The following RRM2 variants were observed in gnomAD, a reference collection of about 807,000 sequenced individuals.
RRM2 encodes ribonucleoside-diphosphate reductase subunit M2.
In RRM2, 6 loss-of-function variants were observed where a neutral mutation model predicts 45.9. The observed-to-expected ratio is 0.13, with a 90% CI of 0.07 to 0.26. The LOEUF (loss-of-function observed/expected upper bound fraction) is 0.26. RRM2 is among the 10% of genes least tolerant of loss of function. The probability of loss-of-function intolerance (pLI) is 1.00; values close to 1 mark genes in which losing one functional copy is unlikely to be tolerated. For synonymous variants in RRM2, 177 were observed against 173.0 expected, an observed-to-expected ratio of 1.02 and a Z score of -0.18; for missense variants, 343 against 489.5, an observed-to-expected ratio of 0.70 and a Z score of 2.82.
At chr2:10,187,419 C>T (rs1261343858) in intron 3 of RRM2, among the ~76,000 whole-genome samples, 2 of 152,226 alleles carry the variant, frequency 1.3e-5, no homozygotes, top group East Asian at 3.8e-4. Flanking sequence ...CAACTGCAGG[C>T]ACCTGGAAGG....
At chr2:10,192,521 G>T (rs992885054) in intron 3 of RRM2, 1 of 154,640 alleles carries the variant, frequency 6.5e-6, no homozygotes, top group Admixed American at 6.5e-5. Context: ...TGTGACCAGG[G>T]TTTTCAATCC....
upstream of RRM2, among the ~76,000 whole-genome samples, chr2:10,137,579 G>A (rs77940828): frequency 0.02 from 2,992 of 152,304 alleles, 92 homozygotes; most frequent in African/African-American, 0.068. Flanking sequence ...TACCTGGGAC[G>A]CTCTGGGTAC....
rs373151401 is a variant in RRM2, at chr2:10,129,234, G to T, written c.1018G>T (p.Val340Phe). The change falls in exon 10 of 10, where the codon GTT (valine) becomes TTT (phenylalanine). Residue 340 changes from valine to phenylalanine, a missense_variant and splice_region_variant. Val to Phe is a conservative substitution (Grantham distance 50, BLOSUM62 -1). Coordinates refer to ENST00000304567, the MANE Select transcript of RRM2 (RefSeq NM_001034.4). This position sits in a 1 kb window ranked among gnomAD's most constrained non-coding sequence, Gnocchi z 4.8. ...RLMLELGFSK[V>F]FRVENPFDFM... is the part of the protein sequence containing the mutation. ...TATATCTTGATGTGAACCTTTTCAG[G>T]TTTTCAGAGTAGAGAACCCATTTGA... is the stretch of plus-strand genomic sequence containing the variant. 6.2e-7 allele frequency: 1 copy of T among 1,613,588 alleles called. No homozygotes were observed. Among genetic ancestry groups the T allele is most frequent in the South Asian group, 1.1e-5 (1 of 90,900 alleles).
intron 3 of RRM2, among the ~76,000 whole-genome samples, chr2:10,206,012 C>A (rs562602302): frequency 6.6e-6 from 1 of 151,876 alleles, no homozygotes; most frequent in Non-Finnish European, 1.5e-5. Flanking sequence ...TCTGGGAGGC[C>A]GAAGCGGGAG....
rs1664389742 is a variant in RRM2, at chr2:10,195,227, G to T, written n.483-15084G>T. Among the ~76,000 whole-genome samples, 1 of 152,308 alleles carries T rather than the reference G, an allele frequency of 6.6e-6. No individual in the cohort carries two copies. Among genetic ancestry groups the T allele is most frequent in the South Asian group, 2.1e-4 (1 of 4,832 alleles). On this transcript the variant is annotated intron_variant and non_coding_transcript_variant, in intron 3 of 3. Transcript: ENST00000381786. This position sits in a 1 kb window ranked among gnomAD's most constrained non-coding sequence, Gnocchi z 4.9. ...GTCATGTGACAGGTGGGCTAGGTGG[G>T]CACAGAATGGGAAGAGAGGCAGTGA...
intron 3 of RRM2, among the ~76,000 whole-genome samples, chr2:10,167,129 C>T (rs543815968): frequency 5.3e-4 from 80 of 152,338 alleles, no homozygotes; most frequent in Non-Finnish European, 9.7e-4. Flanking sequence ...AGACACGCCT[C>T]GACTGCCACT....
chr2:10,126,553 G>A lies in RRM2; in HGVS notation c.570-322G>A, dbSNP rs1662783785. 1.1e-5 allele frequency: 3 copies of A among 270,882 alleles called. No individual in the cohort carries two copies. In the South Asian group the frequency reaches 4.2e-4, roughly 38 times the overall value. The allele number at this position is 270,882 out of a possible 1,614,324, so 16.8% of individuals were successfully genotyped here. A position where few individuals can be genotyped will look rare whatever the true frequency, so the allele number is the denominator to read the frequency against. ...GATTCTTCAAATTGAACAATGATCT[G>A]GACTTGAAATAATTTTAAAGGCAAC... On this transcript the variant is annotated intron_variant, in intron 5 of 9. Coordinates refer to ENST00000304567, the MANE Select transcript of RRM2 (RefSeq NM_001034.4).
chr2:10,177,721 C>T (rs560436676), intron 3 of RRM2, among the ~76,000 whole-genome samples: 3 of 145,052 alleles, frequency 2.1e-5, no homozygotes, highest in Non-Finnish European at 3.0e-5. Flanking sequence ...CTCCCTCCCT[C>T]CCTCCCTCTC....
At chr2:10,168,041 T>G (rs538758220) in intron 3 of RRM2, among the ~76,000 whole-genome samples, 10 of 151,598 alleles carry the variant, frequency 6.6e-5, no homozygotes, top group African/African-American at 1.7e-4. Flanking sequence ...TTTCTGTTTT[T>G]TTTTTTTTTT....
Position 10,127,305 on chromosome 2 carries a change from T to C in RRM2, c.798+85T>C. Reference sequence around the variant, plus strand: ...TGTGTTCACTGACGGGGACCTGAGATGCTAGATGGCATATATCCACATTTA... The same window carrying C: ...TGTGTTCACTGACGGGGACCTGAGACGCTAGATGGCATATATCCACATTTA... On this transcript the variant is annotated intron_variant, in intron 7 of 9. Coordinates refer to ENST00000304567, the MANE Select transcript of RRM2 (RefSeq NM_001034.4). This position sits in a 1 kb window ranked among gnomAD's most constrained non-coding sequence, Gnocchi z 4.1. The C allele has an allele frequency of 1.4e-6, 2 of 1,383,044 alleles. No homozygotes were observed. The highest frequency in any genetic ancestry group is 2.0e-6 in the Non-Finnish European group (2 of 999,202). The allele number at this position is 1,383,044 out of a possible 1,614,324, so 85.7% of individuals were successfully genotyped here. A position where few individuals can be genotyped will look rare whatever the true frequency, so the allele number is the denominator to read the frequency against.
At chr2:10,139,911 C>T (rs1663050186), upstream of RRM2, among the ~76,000 whole-genome samples, 1 of 152,192 alleles carries the variant, frequency 6.6e-6, no homozygotes, top group Non-Finnish European at 1.5e-5. Context: ...ATCTGGTTCA[C>T]CGCCTGGTTT....
intron 7 of RRM2, 29 bp from the exon 8 acceptor site, chr2:10,128,819 C>G: frequency 1.3e-6 from 2 of 1,488,448 alleles, no homozygotes; most frequent in Non-Finnish European, 1.9e-6. Context: ...AGTCTTCTGG[C>G]TTTAGTGATC....
At chr2:10,191,319 C>T (rs1572527931) in intron 3 of RRM2, among the ~76,000 whole-genome samples, 1 of 152,352 alleles carries the variant, frequency 6.6e-6, no homozygotes, top group East Asian at 1.9e-4. Context: ...GTGACCTTGG[C>T]ATGCTCCTTG....
At chr2:10,146,272 G>A (rs1663184365) in intron 3 of RRM2, 1 of 152,250 alleles carries the variant, frequency 6.6e-6, no homozygotes, top group South Asian at 2.1e-4. Context: ...TCTTTTCCAT[G>A]CCCTGGGCTG....
At chr2:10,122,583 C>A (rs1400149807), upstream of RRM2, 1 of 1,450,134 alleles carries the variant, frequency 6.9e-7, no homozygotes, top group Admixed American at 2.7e-5. Flanking sequence ...CGCGCGCGGC[C>A]CCGCGGCCAG....
chr2:10,132,281 C>T (rs1172941185), downstream of RRM2, among the ~76,000 whole-genome samples: 3 of 152,198 alleles, frequency 2.0e-5, no homozygotes, highest in South Asian at 2.1e-4. Flanking sequence ...GGGGAGGCCC[C>T]TCCCTCTGGA....
At chr2:10,167,657 A>T (rs1189911136) in intron 3 of RRM2, among the ~76,000 whole-genome samples, 1 of 152,058 alleles carries the variant, frequency 6.6e-6, no homozygotes, top group African/African-American at 2.4e-5. Flanking sequence ...TCTCTGGGCC[A>T]GGAGGAAGTG....
chr2:10,189,992 A>C (rs1346622425), intron 3 of RRM2, among the ~76,000 whole-genome samples: 1 of 142,688 alleles, frequency 7.0e-6, no homozygotes, highest in Non-Finnish European at 1.5e-5. Flanking sequence ...TGGTGATGGT[A>C]CTGATGATGG....
At chr2:10,142,987 C>T (rs1399866553) in intron 3 of RRM2, among the ~76,000 whole-genome samples, 1 of 152,254 alleles carries the variant, frequency 6.6e-6, no homozygotes. Context: ...CGTTCTCCGG[C>T]CTCAGCCTCC....
Sources: gnomAD v4.1 joint callset for allele counts (sites outside exome capture counted in the v4.1 genomes callset) on GRCh38, gnomAD v4.1.1 for gene constraint, Gnocchi (gnomAD v3.1) non-coding constraint, MANE v1.5 for transcripts, NCBI Gene and HGNC (gene_info 2026-07-23, HGNC 2026-07-21) for gene names.